Variants in ATRNL1 observed in about 807,000 individuals in gnomAD.
The protein encoded by ATRNL1 is attractin-like protein 1.
Under a neutral mutation model 182.7 loss-of-function variants are expected in ATRNL1, and 95 were observed. The observed-to-expected ratio is 0.52, with a 90% CI of 0.44 to 0.62. The LOEUF (loss-of-function observed/expected upper bound fraction) is 0.62. ATRNL1 is among the 20% of genes least tolerant of loss of function. ATRNL1 has a pLI of 0.00. For synonymous variants in ATRNL1, 576 were observed against 568.3 expected (o/e 1.01, Z -0.19); for missense variants, 1,471 against 1,679.5 (o/e 0.88, Z 2.17).
intron 26 of ATRNL1, among the ~76,000 whole-genome samples, chr10:115,637,659 C>G (rs1555028732): frequency 7.0e-6 from 1 of 142,524 alleles, no homozygotes; most frequent in African/African-American, 2.6e-5. Flanking sequence ...GAATCTCGCT[C>G]TGTCACCCAG....
intron 10 of ATRNL1, among the ~76,000 whole-genome samples, chr10:115,256,729 TG>T (rs1331828202): frequency 6.6e-6 from 1 of 152,168 alleles, no homozygotes; most frequent in Non-Finnish European, 1.5e-5. Context: ...TTTGTGATGT[TG>T]GGTGTCGATT....
chr10:115,792,377 A>G (rs544443309), intron 27 of ATRNL1, among the ~76,000 whole-genome samples: 1 of 152,180 alleles, frequency 6.6e-6, no homozygotes, highest in African/African-American at 2.4e-5. Context: ...GAGTTCTACA[A>G]TAGCTGTAAT....
chr10:115,869,216 GC>G (rs1951518816), intron 28 of ATRNL1, among the ~76,000 whole-genome samples: 1 of 152,050 alleles, frequency 6.6e-6, no homozygotes, highest in Admixed American at 6.6e-5. Context: ...AACCTATAAG[GC>G]ATTACAAAAT....
At chr10:115,917,853 AT>A (rs1555117762) in intron 28 of ATRNL1, among the ~76,000 whole-genome samples, 1 of 152,204 alleles carries the variant, frequency 6.6e-6, no homozygotes, top group Non-Finnish European at 1.5e-5. Context: ...AAGTAACAAA[AT>A]AAATAGGGGC....
intron 27 of ATRNL1, among the ~76,000 whole-genome samples, chr10:115,749,366 G>T (rs1555070047): frequency 2.0e-5 from 3 of 151,612 alleles, no homozygotes; most frequent in African/African-American, 7.3e-5. Context: ...ATCGTACTTA[G>T]AAATACAGTA....
intron 27 of ATRNL1, among the ~76,000 whole-genome samples, chr10:115,817,415 A>C (rs1555088952): frequency 6.6e-6 from 1 of 152,136 alleles, no homozygotes; most frequent in African/African-American, 2.4e-5. Context: ...TAATTTATTT[A>C]ACCAATATTT....
At position 115,270,561 on chromosome 10, in the gene ATRNL1, A is replaced by G. The variant is rs191794141; in HGVS notation, c.2100+2117A>G. Among the ~76,000 whole-genome samples, 66 of 151,848 alleles carry G rather than the reference A, an allele frequency of 4.3e-4. No individual in the cohort carries two copies. In the East Asian group the frequency reaches 6.6e-3, roughly 15 times the overall value. On this transcript the variant is annotated intron_variant, in intron 13 of 28. Coordinates refer to ENST00000355044, the MANE Select transcript of ATRNL1 (RefSeq NM_207303.4). ...GCAAACTGAAGACCCAGGAAAGTTG[A>G]TGATGTAAATTCTACTCTACGTATG... is the stretch of plus-strand genomic sequence containing the variant.
chr10:115,635,597 G>A (rs143461080), intron 26 of ATRNL1, among the ~76,000 whole-genome samples: 2 of 152,182 alleles, frequency 1.3e-5, no homozygotes, highest in Non-Finnish European at 2.9e-5. Context: ...CTGAGTATAT[G>A]GATACCCTGT....
At chr10:115,284,582 C>G (rs915506880) in intron 14 of ATRNL1, among the ~76,000 whole-genome samples, 44 of 152,240 alleles carry the variant, frequency 2.9e-4, no homozygotes, top group African/African-American at 1.0e-3. Flanking sequence ...ATCCTTAGAG[C>G]AGCAACCGTG....
chr10:115,297,645 C>T (rs1853267486), intron 15 of ATRNL1, among the ~76,000 whole-genome samples: 4 of 126,946 alleles, frequency 3.2e-5, no homozygotes, highest in Admixed American at 1.7e-4. Flanking sequence ...AGTAAGACTC[C>T]GTCTTAAAAA....
At position 115,117,390 on chromosome 10, in the gene ATRNL1, C is replaced by T. The variant is rs145236308; in HGVS notation, c.294-2795C>T. Among the ~76,000 whole-genome samples, 627 of 152,142 alleles carry T rather than the reference C, an allele frequency of 4.1e-3. 2 individuals are homozygous for T. The highest frequency in any genetic ancestry group is 0.013 in the African/African-American group (544 of 41,530). ...CCAGCCTCTGGTAACCATCTTCCTACTCTCTTTCTCCATGGGTTCAATTGT... is the reference window on the plus strand; with the variant it reads ...CCAGCCTCTGGTAACCATCTTCCTATTCTCTTTCTCCATGGGTTCAATTGT... On this transcript the variant is annotated intron_variant, in intron 1 of 28. Coordinates refer to ENST00000355044, the MANE Select transcript of ATRNL1 (RefSeq NM_207303.4).
At chr10:115,213,475 G>T (rs1291654855) in intron 8 of ATRNL1, among the ~76,000 whole-genome samples, 1 of 152,084 alleles carries the variant, frequency 6.6e-6, no homozygotes, top group African/African-American at 2.4e-5. Flanking sequence ...AAGGATGGGG[G>T]TTGAGAAGTG....
At chr10:115,877,792 T>G (rs1463467736) in intron 28 of ATRNL1, among the ~76,000 whole-genome samples, 2 of 152,228 alleles carry the variant, frequency 1.3e-5, no homozygotes, top group Non-Finnish European at 2.9e-5. Context: ...TTGGCAATAT[T>G]TTTTTCTTGA....
intron 22 of ATRNL1, among the ~76,000 whole-genome samples, chr10:115,462,992 A>G (rs1554970081): frequency 1.3e-5 from 2 of 151,852 alleles, no homozygotes; most frequent in Admixed American, 1.3e-4. Flanking sequence ...TTTTAAAACT[A>G]ACACTCATAC....
At chr10:115,689,339 A>T (rs1055937562) in intron 26 of ATRNL1, among the ~76,000 whole-genome samples, 7 of 152,002 alleles carry the variant, frequency 4.6e-5, no homozygotes, top group African/African-American at 1.7e-4. Context: ...GCATTATTAG[A>T]TTGTTTATTT....
At chr10:115,357,403 T>C (rs1239542689) in intron 19 of ATRNL1, among the ~76,000 whole-genome samples, 2 of 151,934 alleles carry the variant, frequency 1.3e-5, no homozygotes, top group African/African-American at 4.8e-5. Flanking sequence ...CACACACTTT[T>C]GCATTGCTCA....
intron 20 of ATRNL1, among the ~76,000 whole-genome samples, chr10:115,414,941 A>T (rs1260074716): frequency 6.6e-6 from 1 of 152,068 alleles, no homozygotes; most frequent in Non-Finnish European, 1.5e-5. Flanking sequence ...TAACAAATCT[A>T]TTCGGGGACA....
intron 27 of ATRNL1, among the ~76,000 whole-genome samples, chr10:115,764,072 A>G (rs1307574750): frequency 5.3e-5 from 8 of 152,232 alleles, no homozygotes; most frequent in African/African-American, 1.9e-4. Flanking sequence ...TCTGCTTTAT[A>G]GATGCAGTGT....
chr10:115,544,894 C>T (rs560041182), intron 25 of ATRNL1, among the ~76,000 whole-genome samples: 1 of 152,200 alleles, frequency 6.6e-6, no homozygotes, highest in Non-Finnish European at 1.5e-5. Context: ...ATAAATATGA[C>T]AAATATTTAT....
Sources: gnomAD v4.1 joint callset for allele counts (sites outside exome capture counted in the v4.1 genomes callset) on GRCh38, gnomAD v4.1.1 for gene constraint, MANE v1.5 for transcripts, NCBI Gene and HGNC (gene_info 2026-07-23, HGNC 2026-07-21) for gene names.